Variants in MAP1A observed in about 807,000 individuals in gnomAD.
MAP1A encodes microtubule-associated protein 1A.
In MAP1A, 42 loss-of-function variants were observed where a neutral mutation model predicts 185.9. That is an observed-to-expected ratio of 0.23 (90% confidence interval 0.18 to 0.29). The LOEUF (loss-of-function observed/expected upper bound fraction) is 0.29, where lower values mean the gene tolerates loss of function less well. Among genes scored for constraint, MAP1A ranks in the 10% least tolerant of loss-of-function variants. The pLI is 1.00. For missense variants in MAP1A, 2,995 were observed against 3,450.4 expected, an observed-to-expected ratio of 0.87 and a Z score of 3.31; for synonymous variants, 1,229 against 1,335.9, an observed-to-expected ratio of 0.92 and a Z score of 1.74.
At chr15:43,518,294 T>G (rs1049326068) in intron 1 of MAP1A, among the ~76,000 whole-genome samples, 19 of 151,992 alleles carry the variant, frequency 1.3e-4, no homozygotes, top group African/African-American at 4.6e-4. Context: ...GCGGCTAGCT[T>G]TAGAATGGGA....
chr15:43,523,253 G>A lies in MAP1A; in HGVS notation c.1780G>A (p.Glu594Lys), dbSNP rs773529867. The change falls in exon 4 of 6, where the codon GAG becomes AAG. Residue 594 changes from glutamate (E) to lysine (K), a missense_variant. This residue lies in a region of MAP1A where 2,728 missense variants were observed against 2,986.0 expected (regional missense o/e 0.91). Transcript: ENST00000300231. Reference protein sequence around the residue: ...GQEEHVMKEKELVPEVPEEQG... With the variant: ...GQEEHVMKEKKLVPEVPEEQG... ...AGAAGAACATGTGATGAAGGAGAAA[G>A]AGCTTGTCCCAGAGGTCCCTGAGGA... The A allele has an allele frequency of 6.2e-7, 1 of 1,614,028 alleles. No homozygotes were observed. The highest frequency in any genetic ancestry group is 8.5e-7 in the Non-Finnish European group (1 of 1,179,956).
At position 43,523,269 on chromosome 15, in the gene MAP1A, T is replaced by C. The variant is rs760553310; in HGVS notation, c.1796T>C (p.Val599Ala). ...AAGGAGAAAGAGCTTGTCCCAGAGG[T>C]CCCTGAGGAACAAGGCAGCAAGGAC... ...VMKEKELVPE[V>A]PEEQGSKDRG... The change falls in exon 4 of 6, where the codon GTC becomes GCC. Residue 599 changes from valine to alanine, a missense_variant. Val to Ala is a moderately conservative substitution (Grantham distance 64, BLOSUM62 0). Around this residue, in one of 3 missense-constraint regions of MAP1A, gnomAD observed 2,728 missense variants for 2,986.0 expected, o/e 0.91. Coordinates refer to ENST00000300231, the MANE Select transcript of MAP1A (RefSeq NM_002373.6). 3.1e-6 allele frequency: 5 copies of C among 1,613,218 alleles called. No individual in the cohort carries two copies.
rs1422265875 is a variant in MAP1A, at chr15:43,527,818, G to T, written c.6345G>T (p.Arg2115=). The T allele has an allele frequency of 1.2e-6, 2 of 1,613,860 alleles. No homozygotes were observed. Among genetic ancestry groups the T allele is most frequent in the Non-Finnish European group, 1.7e-6 (2 of 1,179,870 alleles). ...ACTCAGAACTGGAGAAGGGGGCTCGGGAACAGCCAGAAAAAGAGGCCCAAT... is the reference window on the plus strand; with the variant it reads ...ACTCAGAACTGGAGAAGGGGGCTCGTGAACAGCCAGAAAAAGAGGCCCAAT... ...TSDSELEKGA[R]EQPEKEAQSP... The change falls in exon 4 of 6, where the codon CGG becomes CGT. Residue 2115 remains arginine (R), a synonymous_variant. Coordinates refer to ENST00000300231, the MANE Select transcript of MAP1A (RefSeq NM_002373.6).
Position 43,526,780 on chromosome 15 carries a change from G to A in MAP1A, c.5307G>A (p.Val1769=). The A allele has an allele frequency of 6.2e-7, 1 of 1,614,166 alleles. No homozygotes were observed. Among genetic ancestry groups the A allele is most frequent in the Non-Finnish European group, 8.5e-7 (1 of 1,180,030 alleles). The change falls in exon 4 of 6, where the codon GTG becomes GTA. Residue 1769 remains valine (V), a synonymous_variant. Coordinates refer to ENST00000300231, the MANE Select transcript of MAP1A (RefSeq NM_002373.6). The surrounding 1 kb of genome is among the most constrained non-coding windows in gnomAD (Gnocchi z 4.7). ...CCTCACCACAGAAGGGGCTAGAGGT[G>A]GAGCGCTGGCTTGCTGAATCACCAG... ...QESSPQKGLE[V]ERWLAESPVG... is the part of the protein sequence containing the mutation.
Position 43,524,287 on chromosome 15 carries a change from G to A in MAP1A, c.2814G>A (p.Val938=), listed in dbSNP as rs748346519. 11 of 1,614,052 alleles carry A rather than the reference G, an allele frequency of 6.8e-6. No individual in the cohort carries two copies. Among genetic ancestry groups the A allele is most frequent in the Middle Eastern group, 1.6e-4 (1 of 6,084 alleles). Residue 938 remains valine, a synonymous_variant, in exon 4 of 6, where the codon GTG becomes GTA. Coordinates refer to ENST00000300231, the MANE Select transcript of MAP1A (RefSeq NM_002373.6). ...AAGGCTTGTCTGGAGAGAGAGCTGT[G>A]GAAGAGGAAGAGGAGGAGACAGCAA... ...IGKGLSGERA[V]EEEEEETANV...
rs755654410 is a variant in MAP1A, at chr15:43,529,204, G to A, written c.7731G>A (p.Val2577=). The change falls in exon 4 of 6, where the codon GTG becomes GTA. Residue 2577 remains valine, a synonymous_variant. Transcript: ENST00000300231. The surrounding 1 kb of genome is among the most constrained non-coding windows in gnomAD (Gnocchi z 4.3). Reference sequence around the variant, plus strand: ...GCCCATCCCCTCCCCGCCCTGATGTGTGCATGGCTGACCCCGAGGGGCTCA... The same window carrying A: ...GCCCATCCCCTCCCCGCCCTGATGTATGCATGGCTGACCCCGAGGGGCTCA... ...DPRPSPPRPD[V]CMADPEGLSS... is the part of the protein sequence containing the mutation. 16 of 1,607,540 alleles carry A rather than the reference G, an allele frequency of 1.0e-5. No individual in the cohort carries two copies. Among genetic ancestry groups the A allele is most frequent in the South Asian group, 5.5e-5 (5 of 90,894 alleles).
chr15:43,511,153 C>G, exon 1 of MAP1A: 10 of 1,550,564 alleles, frequency 6.4e-6, no homozygotes, highest in Non-Finnish European at 8.7e-6. Context: ...TGCAGAAGCA[C>G]TCTTTGCTAA....
rs1595651225 is a variant in MAP1A, at chr15:43,528,625, T to C, written c.7152T>C (p.Ala2384=). ...PAKAENEEAA[A]CPAWERGAWP... is the part of the protein sequence containing the mutation. ...AGGCTGAAAATGAAGAGGCTGCGGC[T>C]TGCCCTGCCTGGGAACGTGGGGCCT... The change falls in exon 4 of 6, where the codon GCT becomes GCC. Residue 2384 remains alanine, a synonymous_variant. Coordinates refer to ENST00000300231, the MANE Select transcript of MAP1A (RefSeq NM_002373.6). 1 of 1,613,526 alleles carries C rather than the reference T, an allele frequency of 6.2e-7. No individual in the cohort carries two copies.
At chr15:43,516,419 C>T (rs2079297519), upstream of MAP1A, among the ~76,000 whole-genome samples, 1 of 152,078 alleles carries the variant, frequency 6.6e-6, no homozygotes, top group East Asian at 1.9e-4. Flanking sequence ...TCTTGGCAGC[C>T]TGGGGCAAGG....
chr15:43,530,344 T>G lies in MAP1A; in HGVS notation c.*120T>G. ...AGGGGGAGGGGAGGGAGATGTCTTGTTGTGGGGACTTGGGCTGGGCTAAAT... is the reference window on the plus strand; with the variant it reads ...AGGGGGAGGGGAGGGAGATGTCTTGGTGTGGGGACTTGGGCTGGGCTAAAT... On this transcript the variant is annotated 3_prime_UTR_variant, in exon 6 of 6. Transcript: ENST00000300231. 1 of 1,298,866 alleles carries G rather than the reference T, an allele frequency of 7.7e-7. No homozygotes were observed. Among genetic ancestry groups the G allele is most frequent in the Non-Finnish European group, 1.1e-6 (1 of 944,788 alleles). The allele number at this position is 1,298,866 out of a possible 1,614,324, so 80.5% of individuals were successfully genotyped here.
rs1566977923 is a variant in MAP1A at position 43,524,599 on chromosome 15, AGAT to A, written c.3128_3130del (p.Asp1043del). ...AGCGCACACCAGGTGTGGGCAAAGA[AGAT>A]GCTGCTGAGGAGACAGTCAAGCCAG... On this transcript the variant is annotated inframe_deletion, in exon 4 of 6. Transcript: ENST00000300231. 6.2e-7 allele frequency: 1 copy of A among 1,614,164 alleles called. No individual in the cohort carries two copies. The highest frequency in any genetic ancestry group is 1.7e-5 in the Admixed American group (1 of 60,020).
At chr15:43,514,425 G>A (rs190184217), upstream of MAP1A, among the ~76,000 whole-genome samples, 208 of 152,338 alleles carry the variant, frequency 1.4e-3, 1 homozygote, top group African/African-American at 4.8e-3. Context: ...TGTTAGTGAG[G>A]ACGCAAAGGG....
At position 43,526,446 on chromosome 15, in the gene MAP1A, A is replaced by G. The variant is rs2079343946; in HGVS notation, c.4973A>G (p.Glu1658Gly). 1 of 1,614,056 alleles carries G rather than the reference A, an allele frequency of 6.2e-7. No homozygotes were observed. The highest frequency in any genetic ancestry group is 8.5e-7 in the Non-Finnish European group (1 of 1,180,028). Residue 1658 changes from glutamate (E) to glycine (G), a missense_variant, in exon 4 of 6, where the codon GAG becomes GGG. Coordinates refer to ENST00000300231, the MANE Select transcript of MAP1A (RefSeq NM_002373.6). The surrounding 1 kb of genome is among the most constrained non-coding windows in gnomAD (Gnocchi z 4.7). ...QEWQETSPTR[E>G]EPAGEQKELA... Reference sequence around the variant, plus strand: ...TGGCAAGAAACATCTCCTACCAGAGAGGAGCCGGCTGGAGAACAGAAAGAG... The same window carrying G: ...TGGCAAGAAACATCTCCTACCAGAGGGGAGCCGGCTGGAGAACAGAAAGAG...
At chr15:43,519,299 T>C (rs909732766) in intron 1 of MAP1A, among the ~76,000 whole-genome samples, 1 of 152,136 alleles carries the variant, frequency 6.6e-6, no homozygotes, top group African/African-American at 2.4e-5. Flanking sequence ...CCACGCTGTA[T>C]GGGGTTTGGT....
chr15:43,518,636 G>A (rs1332482650), intron 1 of MAP1A, among the ~76,000 whole-genome samples: 1 of 151,756 alleles, frequency 6.6e-6, no homozygotes, highest in Non-Finnish European at 1.5e-5. Flanking sequence ...CTGCCCAAAC[G>A]GTCCCCCTCC....
chr15:43,524,109 G>A lies in MAP1A; in HGVS notation c.2636G>A (p.Arg879His), dbSNP rs192228146. Reference sequence around the variant, plus strand: ...ACAGTCACAAGCATCCCTTCCTCCCGTACTGAAGCTACGCAGGGCTTGGAC... The same window carrying A: ...ACAGTCACAAGCATCCCTTCCTCCCATACTGAAGCTACGCAGGGCTTGGAC... The part of the protein sequence containing the change: ...LDTVTSIPSS[R>H]TEATQGLDYV... The change falls in exon 4 of 6, where the codon CGT becomes CAT. Residue 879 changes from arginine (R) to histidine (H), a missense_variant. Coordinates refer to ENST00000300231, the MANE Select transcript of MAP1A (RefSeq NM_002373.6). 6.5e-5 allele frequency: 105 copies of A among 1,614,110 alleles called. No individual in the cohort carries two copies. In the African/African-American group the frequency reaches 6.8e-4, roughly 10 times the overall value.
intron 1 of MAP1A, among the ~76,000 whole-genome samples, chr15:43,512,022 C>T (rs1428830753): frequency 6.6e-6 from 1 of 152,212 alleles, no homozygotes; most frequent in East Asian, 1.9e-4. Flanking sequence ...GGGAGAAAGA[C>T]ACCATTACTA....
chr15:43,517,818 C>G, intron 1 of MAP1A, 118 bp downstream of exon 1: 1 of 186,506 alleles, frequency 5.4e-6, no homozygotes, highest in Non-Finnish European at 1.0e-5. Flanking sequence ...AGCCCAGTGG[C>G]AGTAGGCAGG....
chr15:43,520,646 A>G lies in MAP1A; in HGVS notation c.-369A>G, dbSNP rs1257618258. On this transcript the variant is annotated 5_prime_UTR_variant, in exon 2 of 6. Coordinates refer to ENST00000300231, the MANE Select transcript of MAP1A (RefSeq NM_002373.6). ...TTCCTACATCTCTCCCTCAGGCCAG[A>G]GGACCCTTTGCCACCAGAGTGAGAT... 2 of 1,542,440 alleles carry G rather than the reference A, an allele frequency of 1.3e-6. No homozygotes were observed. Among genetic ancestry groups the G allele is most frequent in the East Asian group, 4.9e-5 (2 of 40,872 alleles).
Sources: allele counts gnomAD v4.1 joint callset (sites outside exome capture counted in the v4.1 genomes callset), GRCh38; gene constraint gnomAD v4.1.1; regional missense constraint gnomAD v4.1.1; non-coding constraint Gnocchi (gnomAD v3.1); transcripts MANE v1.5; gene names NCBI Gene and HGNC (gene_info 2026-07-23, HGNC 2026-07-21).